CLEC4C: variants seen among roughly 807,000 people sequenced by gnomAD.
CLEC4C encodes C-type (calcium dependent, carbohydrate-recognition domain) lectin, superfamily member 11.
In CLEC4C, 17 loss-of-function variants were observed where a neutral mutation model predicts 27.7. The observed-to-expected ratio is 0.61, with a 90% CI of 0.42 to 0.92. The LOEUF is 0.92. CLEC4C is among the 40% of genes least tolerant of loss of function. The pLI, the probability that CLEC4C is intolerant of heterozygous loss-of-function variation, is 0.00. For synonymous variants in CLEC4C, 80 were observed against 80.8 expected (o/e 0.99, Z 0.06); for missense variants, 244 against 257.3 (o/e 0.95, Z 0.35).
chr12:7,743,955 G>A (rs1398752013), intron 2 of CLEC4C, among the ~76,000 whole-genome samples: 1 of 152,208 alleles, frequency 6.6e-6, no homozygotes, highest in Non-Finnish European at 1.5e-5. Flanking sequence ...TTCAGTCATA[G>A]TGGAAGGCAA....
intron 4 of CLEC4C, 25 bp downstream of exon 4, chr12:7,737,404 G>T (rs747330735): frequency 2.0e-5 from 31 of 1,548,792 alleles, no homozygotes; most frequent in Admixed American, 3.6e-5. Flanking sequence ...CAGATTAGCT[G>T]ACCACCTTGC....
chr12:7,735,705 A>G, intron 4 of CLEC4C, among the ~76,000 whole-genome samples: 1 of 92,540 alleles, frequency 1.1e-5, no homozygotes, highest in African/African-American at 3.0e-5. Flanking sequence ...CTCGGGAGAC[A>G]GAGAGGAGAA....
chr12:7,738,759 C>T (rs1319209794), intron 3 of CLEC4C, among the ~76,000 whole-genome samples: 1 of 152,158 alleles, frequency 6.6e-6, no homozygotes, highest in East Asian at 1.9e-4. Context: ...GCCTCAGCTG[C>T]CCTGAAGTGC....
chr12:7,732,630 G>A (rs1349972753), intron 4 of CLEC4C, among the ~76,000 whole-genome samples: 1 of 151,838 alleles, frequency 6.6e-6, no homozygotes, highest in Non-Finnish European at 1.5e-5. Flanking sequence ...GGGATTACAG[G>A]CGTGAGCCAC....
chr12:7,740,660 C>T (rs1020294018), intron 3 of CLEC4C, among the ~76,000 whole-genome samples: 1 of 150,378 alleles, frequency 6.6e-6, no homozygotes, highest in Non-Finnish European at 1.5e-5. Flanking sequence ...GAGATCGCGC[C>T]ACTGCACTCC....
chr12:7,747,169 G>T, intron 1 of CLEC4C, 149 bp downstream of exon 1: 2 of 774,652 alleles, frequency 2.6e-6, no homozygotes, highest in Non-Finnish European at 2.3e-6. Context: ...AGTATCTTGG[G>T]TCCATACCTG....
At chr12:7,746,229 A>AG (rs1864978370) in intron 2 of CLEC4C, 102 bp downstream of exon 2, 1 of 695,254 alleles carries the variant, frequency 1.4e-6, no homozygotes, top group South Asian at 1.9e-5. Flanking sequence ...AAAAAAAAAA[A>AG]AAAAGAAAAA....
intron 4 of CLEC4C, among the ~76,000 whole-genome samples, chr12:7,731,838 C>G (rs146141862): frequency 6.6e-6 from 1 of 152,132 alleles, no homozygotes; most frequent in African/African-American, 2.4e-5. Context: ...TCTGTAATCT[C>G]AACTACTCGA....
rs932573091 is a variant in CLEC4C, at chr12:7,746,213, CAAAAAAAAAA to C, written c.124+108_124+117del. 8.4e-5 allele frequency: 35 copies of C among 414,934 alleles called. 1 individual carries two copies. The highest frequency in any genetic ancestry group is 7.7e-4 in the African/African-American group (22 of 28,426). 25.7% of individuals were successfully genotyped at this position (414,934 alleles called of 1,614,324 possible). On this transcript the variant is annotated intron_variant, in intron 2 of 5. Transcript: ENST00000360345. ...TGGGCGACAGAGCGAGATTCCGTCT[CAAAAAAAAAA>C]AAAAAAAAAAGAAAAAAAAAGAAAG...
At chr12:7,737,307 T>G (rs748689387) in intron 4 of CLEC4C, 122 bp downstream of exon 4, 8 of 863,784 alleles carry the variant, frequency 9.3e-6, no homozygotes, top group Admixed American at 5.8e-5. Context: ...GTTTTTTGGG[T>G]TTTTTTTTAC....
intron 4 of CLEC4C, among the ~76,000 whole-genome samples, chr12:7,732,818 G>A (rs118072756): frequency 0.021 from 3,125 of 150,910 alleles, 99 homozygotes; most frequent in South Asian, 0.1. Flanking sequence ...AAAATTAGCC[G>A]GGCATGGTGG....
Position 7,737,081 on chromosome 12 carries a change from A to C in CLEC4C, c.381+348T>G, listed in dbSNP as rs137995328. 4.7e-3 allele frequency among the ~76,000 whole-genome samples: 707 copies of C among 151,936 alleles called. 5 individuals are homozygous for C. The highest frequency in any genetic ancestry group is 0.016 in the African/African-American group (670 of 41,464). ...CCTCGTCTCTTCTAAAAATACAAAA[A>C]TTAGCCAGGCGTGGCGGTACATGCC... On this transcript the variant is annotated intron_variant, in intron 4 of 5. Coordinates refer to ENST00000360345, the MANE Select transcript of CLEC4C (RefSeq NM_001371390.1).
chr12:7,741,442 T>C lies in CLEC4C; in HGVS notation c.214A>G (p.Met72Val). 1 of 1,605,160 alleles carries C rather than the reference T, an allele frequency of 6.2e-7. No individual in the cohort carries two copies. The highest frequency in any genetic ancestry group is 8.5e-7 in the Non-Finnish European group (1 of 1,171,670). The change falls in exon 3 of 6, where the codon ATG becomes GTG. Residue 72 changes from methionine (M) to valine (V), a missense_variant. By Grantham distance (21) the Met-to-Val change is conservative. Coordinates refer to ENST00000360345, the MANE Select transcript of CLEC4C (RefSeq NM_001371390.1). Reference protein sequence around the residue: ...QQYHPSLTCVMEGKDIEDWSC... With the variant: ...QQYHPSLTCVVEGKDIEDWSC... ...GTACCTTCTATGTCCTTTCCTTCCATGACGCAGGTCAGGCTTGGATGATAC... is the reference window on the plus strand; with the variant it reads ...GTACCTTCTATGTCCTTTCCTTCCACGACGCAGGTCAGGCTTGGATGATAC...
intron 5 of CLEC4C, 93 bp from the exon 6 acceptor site, chr12:7,729,833 T>A: frequency 8.5e-7 from 1 of 1,182,770 alleles, no homozygotes; most frequent in Non-Finnish European, 1.2e-6. Flanking sequence ...AGTGCGAAAG[T>A]CAAGGTCACG....
upstream of CLEC4C, chr12:7,747,472 T>TC (rs1865009457): frequency 1.1e-6 from 1 of 903,390 alleles, no homozygotes; most frequent in African/African-American, 1.6e-5. Context: ...CTTAGATCCT[T>TC]CTTCGCCTAC....
At chr12:7,733,265 A>T (rs1314158627) in intron 4 of CLEC4C, among the ~76,000 whole-genome samples, 3 of 143,828 alleles carry the variant, frequency 2.1e-5, no homozygotes, top group Non-Finnish European at 4.6e-5. Flanking sequence ...AGAAAGCCAA[A>T]TTTTTTTTTT....
At chr12:7,730,975 C>T in intron 4 of CLEC4C, 63 bp from the exon 5 acceptor site, 1 of 776,382 alleles carries the variant, frequency 1.3e-6, no homozygotes, top group Middle Eastern at 2.4e-4. Flanking sequence ...CTGGGACGAA[C>T]ACCGCCACTT....
At chr12:7,730,606 C>T (rs1466565018) in intron 5 of CLEC4C, among the ~76,000 whole-genome samples, 191 bp downstream of exon 5, 2 of 149,606 alleles carry the variant, frequency 1.3e-5, no homozygotes, top group East Asian at 3.9e-4. Flanking sequence ...TACCACTGCA[C>T]TCTAGCCTGG....
At chr12:7,745,916 G>A (rs11055571) in intron 2 of CLEC4C, among the ~76,000 whole-genome samples, 33,545 of 151,786 alleles carry the variant, frequency 0.22, 4,428 homozygotes, top group Admixed American at 0.31. Flanking sequence ...GCCATTTTAT[G>A]TCAAGAAAGG....
Sources: gnomAD v4.1 joint callset for allele counts (sites outside exome capture counted in the v4.1 genomes callset) on GRCh38, gnomAD v4.1.1 for gene constraint, MANE v1.5 for transcripts, NCBI Gene and HGNC (gene_info 2026-07-23, HGNC 2026-07-21) for gene names.